Variants in LRFN5 observed in about 807,000 individuals in gnomAD.
The protein encoded by LRFN5 is leucine rich repeat and fibronectin type III domain containing 5.
LRFN5 carries 24 observed loss-of-function variants against 45.6 expected under a neutral mutation model. The ratio of observed to expected loss-of-function variants is 0.53; its 90% CI spans 0.38 to 0.74. The LOEUF (loss-of-function observed/expected upper bound fraction) is 0.74. LRFN5 is among the 30% of genes least tolerant of loss of function. LRFN5 has a pLI of 0.00. For missense variants in LRFN5, 776 were observed against 861.5 expected (o/e 0.90, Z 1.24); for synonymous variants, 340 against 313.8 (o/e 1.08, Z -0.88).
At chr14:41,859,304 T>A (rs1271823882) in intron 2 of LRFN5, among the ~76,000 whole-genome samples, 1 of 152,196 alleles carries the variant, frequency 6.6e-6, no homozygotes, top group African/African-American at 2.4e-5. Flanking sequence ...TCTAAATGAT[T>A]TCATTAGTCC....
At chr14:41,897,307 C>T (rs1890973569) in intron 4 of LRFN5, among the ~76,000 whole-genome samples, 1 of 151,636 alleles carries the variant, frequency 6.6e-6, no homozygotes, top group African/African-American at 2.4e-5. Context: ...ATTACACAAA[C>T]AGTGAATATA....
At chr14:41,810,284 T>C (rs1389481356) in intron 2 of LRFN5, among the ~76,000 whole-genome samples, 4 of 152,046 alleles carry the variant, frequency 2.6e-5, no homozygotes, top group Admixed American at 6.6e-5. Context: ...TACTGCCTCA[T>C]TGAGATCCAC....
intron 1 of LRFN5, among the ~76,000 whole-genome samples, chr14:41,696,888 A>G (rs1277816404): frequency 1.3e-5 from 2 of 151,912 alleles, no homozygotes; most frequent in Non-Finnish European, 2.9e-5. Flanking sequence ...TGTTCACCAC[A>G]TTGTCCATAG....
intron 1 of LRFN5, among the ~76,000 whole-genome samples, chr14:41,687,511 C>G (rs1882174822): frequency 6.6e-6 from 1 of 152,172 alleles, no homozygotes; most frequent in Admixed American, 6.6e-5. Context: ...GAATGTAAAT[C>G]ATTCTACTAT....
At chr14:41,844,251 C>T (rs918699271) in intron 2 of LRFN5, among the ~76,000 whole-genome samples, 15 of 152,012 alleles carry the variant, frequency 9.9e-5, no homozygotes, top group Non-Finnish European at 1.9e-4. Flanking sequence ...TCCTGGCTAA[C>T]ATGGTGAAAC....
At chr14:41,771,305 G>A (rs1356136487) in intron 2 of LRFN5, among the ~76,000 whole-genome samples, 1 of 151,690 alleles carries the variant, frequency 6.6e-6, no homozygotes, top group African/African-American at 2.4e-5. Context: ...CCCATTGTCT[G>A]GGATATTAGC....
intron 1 of LRFN5, among the ~76,000 whole-genome samples, chr14:41,657,988 A>G (rs1430296224): frequency 1.3e-5 from 2 of 151,854 alleles, no homozygotes; most frequent in Non-Finnish European, 2.9e-5. Flanking sequence ...TATTAAATTC[A>G]TGTGTATTCT....
intron 2 of LRFN5, among the ~76,000 whole-genome samples, chr14:41,805,869 CT>C (rs1009018119): frequency 3.9e-5 from 6 of 152,024 alleles, no homozygotes; most frequent in African/African-American, 1.4e-4. Flanking sequence ...CACAGCATAC[CT>C]TTTTCATCAT....
At chr14:41,814,220 C>A (rs1441268614) in intron 2 of LRFN5, among the ~76,000 whole-genome samples, 1 of 152,062 alleles carries the variant, frequency 6.6e-6, no homozygotes, top group Non-Finnish European at 1.5e-5. Context: ...GTATTTTAGT[C>A]ATGAATTCTT....
At chr14:41,704,446 C>CTGTGTGTGTGTGTGTGTG (rs1233748767) in intron 1 of LRFN5, among the ~76,000 whole-genome samples, 32 of 126,942 alleles carry the variant, frequency 2.5e-4, no homozygotes, top group African/African-American at 5.7e-4. Context: ...CTCTCTCTCT[C>CTGTGTGTGTGTGTGTGTG]TCTGTGTGTG....
chr14:41,775,379 A>T (rs1159986437), intron 2 of LRFN5, among the ~76,000 whole-genome samples: 1 of 151,816 alleles, frequency 6.6e-6, no homozygotes, highest in East Asian at 1.9e-4. Flanking sequence ...AAGCCACCGC[A>T]CCCGGCAGTT....
chr14:41,789,446 C>A (rs1281740077), intron 2 of LRFN5, among the ~76,000 whole-genome samples: 1 of 151,942 alleles, frequency 6.6e-6, no homozygotes, highest in Non-Finnish European at 1.5e-5. Flanking sequence ...TCACTTGAAT[C>A]CAACTAGAAT....
intron 5 of LRFN5, among the ~76,000 whole-genome samples, chr14:41,900,348 TG>T (rs1891065928): frequency 1.3e-5 from 2 of 152,040 alleles, no homozygotes; most frequent in African/African-American, 4.8e-5. Flanking sequence ...TATATTATTT[TG>T]CTTATGTATT....
chr14:41,795,753 A>G (rs145198999), intron 2 of LRFN5, among the ~76,000 whole-genome samples: 6 of 151,618 alleles, frequency 4.0e-5, no homozygotes, highest in African/African-American at 1.4e-4. Context: ...AGAGTGGGGA[A>G]CATCACACAC....
chr14:41,745,796 A>G (rs1231979846), intron 1 of LRFN5, among the ~76,000 whole-genome samples: 1 of 152,054 alleles, frequency 6.6e-6, no homozygotes, highest in Non-Finnish European at 1.5e-5. Flanking sequence ...TTAAAAATAC[A>G]AAACTTACCA....
intron 2 of LRFN5, among the ~76,000 whole-genome samples, chr14:41,795,137 A>G (rs1887073046): frequency 6.6e-6 from 1 of 152,098 alleles, no homozygotes; most frequent in Non-Finnish European, 1.5e-5. Context: ...GACATTTTTC[A>G]AAAGAAGACA....
At chr14:41,781,709 AGAG>A (rs1410344146) in intron 2 of LRFN5, among the ~76,000 whole-genome samples, 33 of 150,298 alleles carry the variant, frequency 2.2e-4, no homozygotes, top group African/African-American at 7.0e-4. Context: ...AGAAAGAAAA[AGAG>A]AGAGAGGAAA....
At chr14:41,632,980 T>C (rs1158600882) in intron 1 of LRFN5, among the ~76,000 whole-genome samples, 1 of 152,160 alleles carries the variant, frequency 6.6e-6, no homozygotes, top group Non-Finnish European at 1.5e-5. Context: ...GTTAACAAAG[T>C]ACAGAATTTG....
At chr14:41,664,295 C>T (rs1880794443) in intron 1 of LRFN5, among the ~76,000 whole-genome samples, 1 of 151,700 alleles carries the variant, frequency 6.6e-6, no homozygotes, top group African/African-American at 2.4e-5. Flanking sequence ...TACTACTTCC[C>T]TAGTTATAAG....
Sources: allele counts gnomAD v4.1 joint callset (sites outside exome capture counted in the v4.1 genomes callset), GRCh38; gene constraint gnomAD v4.1.1; transcripts MANE v1.5; gene names NCBI Gene and HGNC (gene_info 2026-07-23, HGNC 2026-07-21).